The following IL18BP variants were observed in gnomAD, a reference collection of about 807,000 sequenced individuals.
IL18BP encodes the protein interleukin-18-binding protein.
IL18BP carries 23 observed loss-of-function variants against 19.9 expected under a neutral mutation model. The observed-to-expected ratio is 1.15, with a 90% confidence interval of 0.83 to 1.64. The LOEUF (loss-of-function observed/expected upper bound fraction) is 1.64, where lower values mean the gene tolerates loss of function less well. Ranked by LOEUF, IL18BP falls within the 40% of genes most tolerant of loss-of-function variation. The probability of loss-of-function intolerance (pLI) is 0.00; values close to 1 mark genes in which losing one functional copy is unlikely to be tolerated. For missense variants in IL18BP, 239 were observed against 240.7 expected, an observed-to-expected ratio of 0.99 and a Z score of 0.05; for synonymous variants, 107 against 101.0, an observed-to-expected ratio of 1.06 and a Z score of -0.35.
Position 72,000,356 on chromosome 11 carries a change from A to T in IL18BP, c.34A>T (p.Ser12Cys). ...TGTAACTGTCCTTTCCTCAGACCTC[A>T]GCCCTTTGTGGGTCCTGCTCCTGTG... The part of the protein sequence containing the change: ...TMRHNWTPDL[S>C]PLWVLLLCAH... The change falls in exon 3 of 6, where the codon AGC (serine) becomes TGC (cysteine). Residue 12 changes from serine (S) to cysteine (C), a missense_variant. Transcript: ENST00000393703. The T allele has an allele frequency of 1.2e-6, 2 of 1,613,754 alleles. No individual in the cohort carries two copies. The highest frequency in any genetic ancestry group is 1.7e-6 in the Non-Finnish European group (2 of 1,179,958).
chr11:72,001,704 G>A, intron 5 of IL18BP, 80 bp from the exon 6 acceptor site: 3 of 1,612,896 alleles, frequency 1.9e-6, no homozygotes, highest in African/African-American at 1.3e-5. Flanking sequence ...GTCTTGGGCA[G>A]AGGAGGTGTA....
downstream of IL18BP, chr11:72,004,928 C>G (rs1340609564): frequency 1.2e-5 from 13 of 1,108,576 alleles, no homozygotes; most frequent in Non-Finnish European, 1.6e-5. Flanking sequence ...GGGACCCTTC[C>G]TGCCTCACGA....
downstream of IL18BP, chr11:72,005,662 G>A (rs982650267): frequency 1.2e-5 from 6 of 504,448 alleles, no homozygotes; most frequent in Non-Finnish European, 2.1e-5. Flanking sequence ...ACAAATTAAG[G>A]ACCGGGAATT....
downstream of IL18BP, chr11:72,002,956 C>T (rs536474585): frequency 1.3e-5 from 3 of 233,744 alleles, no homozygotes; most frequent in African/African-American, 4.4e-5. Flanking sequence ...CTCCAAATCC[C>T]ACCCCAGTGC....
downstream of IL18BP, chr11:72,007,933 C>T: frequency 2.7e-6 from 1 of 370,786 alleles, no homozygotes; most frequent in Admixed American, 3.7e-5. Flanking sequence ...CACCTAGACT[C>T]ATCATGGCAC....
At chr11:72,007,671 C>A, downstream of IL18BP, 1 of 567,398 alleles carries the variant, frequency 1.8e-6, no homozygotes, top group Non-Finnish European at 3.1e-6. Context: ...CCCAGATGTC[C>A]CATCCCCACC....
downstream of IL18BP, chr11:72,003,920 GGCA>G (rs1565180512): frequency 6.2e-7 from 1 of 1,613,114 alleles, no homozygotes; most frequent in Non-Finnish European, 8.5e-7. Flanking sequence ...CACCAATGGC[GGCA>G]GCAGTGGCGG....
Position 72,000,541 on chromosome 11 carries a change from G to A in IL18BP, c.219G>A (p.Glu73=), listed in dbSNP as rs1273966135. Residue 73 remains glutamate (E), a synonymous_variant, in exon 3 of 6, where the codon GAG becomes GAA. Transcript: ENST00000393703. ...CAGCATTGGAAGTGACCTGGCCAGA[G>A]GTGGAAGTGCCACTGAGTAAGAAGC... ...QCPALEVTWP[E]VEVPLNGTLS... is the part of the protein sequence containing the mutation. The A allele has an allele frequency of 5.6e-6, 9 of 1,611,388 alleles. No homozygotes were observed. The highest frequency in any genetic ancestry group is 2.7e-5 in the African/African-American group (2 of 74,938).
chr11:72,004,143 C>G, downstream of IL18BP: 1 of 1,610,402 alleles, frequency 6.2e-7, no homozygotes. Context: ...ATGCTGCCTT[C>G]CCAGGCCAGC....
intron 3 of IL18BP, 91 bp from the exon 4 acceptor site, chr11:72,001,110 G>A (rs1955198139): frequency 2.0e-6 from 3 of 1,512,880 alleles, no homozygotes; most frequent in Non-Finnish European, 2.7e-6. Flanking sequence ...GATGCATGGG[G>A]ACTGGGGGGA....
chr11:72,006,619 C>T (rs1023399622), downstream of IL18BP, among the ~76,000 whole-genome samples: 3 of 152,240 alleles, frequency 2.0e-5, no homozygotes, highest in African/African-American at 7.2e-5. Context: ...GGCTAGGCCC[C>T]ATGTCTCCTG....
At chr11:72,006,226 G>A (rs141331520), downstream of IL18BP, 31 of 1,614,074 alleles carry the variant, frequency 1.9e-5, no homozygotes, top group African/African-American at 4.0e-5. Flanking sequence ...GCTGTAGAAC[G>A]ATGAGTTGGC....
At chr11:72,004,150 C>A, downstream of IL18BP, 1 of 1,610,502 alleles carries the variant, frequency 6.2e-7, no homozygotes, top group Non-Finnish European at 8.5e-7. Flanking sequence ...CTTCCCAGGC[C>A]AGCGTGCTGT....
At chr11:72,003,211 G>A, downstream of IL18BP, 1 of 444,984 alleles carries the variant, frequency 2.2e-6, no homozygotes, top group Non-Finnish European at 4.1e-6. Flanking sequence ...AGACTGGCCA[G>A]GCCCAAGGAC....
chr11:72,005,110 G>A (rs1955598250), downstream of IL18BP: 12 of 1,160,126 alleles, frequency 1.0e-5, no homozygotes, highest in South Asian at 1.9e-4. Flanking sequence ...AACATGAGAA[G>A]GTCACCCTCC....
downstream of IL18BP, chr11:72,004,088 G>A (rs777221278): frequency 1.9e-6 from 3 of 1,613,082 alleles, no homozygotes; most frequent in Admixed American, 1.7e-5. Flanking sequence ...CCATCGACTG[G>A]CGCCGGTCAG....
At chr11:72,005,422 T>A (rs1955620771), downstream of IL18BP, 4 of 1,571,798 alleles carry the variant, frequency 2.5e-6, no homozygotes, top group Non-Finnish European at 3.4e-6. Context: ...GCAGGTCACC[T>A]CCTGGCCCTG....
intron 5 of IL18BP, 31 bp downstream of exon 5, chr11:72,001,583 CAGG>C: frequency 6.2e-7 from 1 of 1,603,848 alleles, no homozygotes; most frequent in Non-Finnish European, 8.5e-7. Context: ...CCTCCAGGAA[CAGG>C]AGGAGCTCTG....
At chr11:72,005,369 C>G, downstream of IL18BP, 3 of 1,604,274 alleles carry the variant, frequency 1.9e-6, no homozygotes, top group Non-Finnish European at 2.6e-6. Context: ...GCTGTTCCTT[C>G]CTGTGGAAGG....
Sources: gnomAD v4.1 joint callset for allele counts (sites outside exome capture counted in the v4.1 genomes callset) on GRCh38, gnomAD v4.1.1 for gene constraint, MANE v1.5 for transcripts, NCBI Gene and HGNC (gene_info 2026-07-23, HGNC 2026-07-21) for gene names.